B3GALT1: variants seen among roughly 807,000 people sequenced by gnomAD.
The protein encoded by B3GALT1 is beta-1,3-galactosyltransferase 1.
B3GALT1 carries 10 observed loss-of-function variants against 23.2 expected under a neutral mutation model. The observed-to-expected ratio is 0.43, with a 90% CI of 0.27 to 0.73. The LOEUF is 0.73. B3GALT1 is among the 30% of genes least tolerant of loss of function. The pLI is 0.21. For missense variants in B3GALT1, 299 were observed against 405.4 expected, an observed-to-expected ratio of 0.74 and a Z score of 2.25; for synonymous variants, 156 against 141.5, an observed-to-expected ratio of 1.10 and a Z score of -0.73.
chr2:167,678,935 G>C (rs1243529319), intron 3 of B3GALT1, among the ~76,000 whole-genome samples: 2 of 152,092 alleles, frequency 1.3e-5, no homozygotes, highest in Non-Finnish European at 2.9e-5. Flanking sequence ...CTTAAAATGA[G>C]TAATGTATGC....
chr2:167,790,614 A>G (rs1688421772), intron 3 of B3GALT1, among the ~76,000 whole-genome samples: 2 of 152,180 alleles, frequency 1.3e-5, no homozygotes, highest in Non-Finnish European at 2.9e-5. Context: ...TGAAAGACCC[A>G]TCCCTCCTAT....
intron 2 of B3GALT1, among the ~76,000 whole-genome samples, chr2:167,608,755 A>T (rs995456432): frequency 6.6e-6 from 1 of 152,154 alleles, no homozygotes; most frequent in African/African-American, 2.4e-5. Flanking sequence ...ATACATTTGG[A>T]GGGTTACATT....
At chr2:167,545,910 G>C (rs910459154) in intron 2 of B3GALT1, among the ~76,000 whole-genome samples, 3 of 152,104 alleles carry the variant, frequency 2.0e-5, no homozygotes, top group Non-Finnish European at 4.4e-5. Context: ...AGTTATCTTG[G>C]GGATGGGACC....
At chr2:167,421,969 A>G (rs999490641) in intron 1 of B3GALT1, among the ~76,000 whole-genome samples, 3 of 152,212 alleles carry the variant, frequency 2.0e-5, no homozygotes, top group Admixed American at 2.0e-4. Flanking sequence ...CAACCCTAAA[A>G]TCAGGTTTTG....
chr2:167,504,889 C>T (rs759750197), intron 2 of B3GALT1, among the ~76,000 whole-genome samples: 2 of 152,108 alleles, frequency 1.3e-5, no homozygotes, highest in Non-Finnish European at 2.9e-5. Flanking sequence ...CAAGTACACT[C>T]TATGATGTTT....
At chr2:167,324,620 T>C (rs1178176985) in intron 1 of B3GALT1, among the ~76,000 whole-genome samples, 3 of 152,242 alleles carry the variant, frequency 2.0e-5, no homozygotes, top group African/African-American at 4.8e-5. Context: ...ATTTATGGGA[T>C]ACATGTGAAA....
At chr2:167,843,502 T>C (rs1217525138) in intron 4 of B3GALT1, among the ~76,000 whole-genome samples, 2 of 152,204 alleles carry the variant, frequency 1.3e-5, no homozygotes, top group African/African-American at 4.8e-5. Context: ...GGATTGCTGA[T>C]TTCAGCCTCT....
At chr2:167,867,971 C>A (rs1044415709) in intron 4 of B3GALT1, among the ~76,000 whole-genome samples, 14 of 152,070 alleles carry the variant, frequency 9.2e-5, no homozygotes, top group African/African-American at 2.9e-4. Flanking sequence ...TCTCATTATA[C>A]TCATATTGGG....
chr2:167,376,141 G>C (rs561252674), intron 1 of B3GALT1, among the ~76,000 whole-genome samples: 4 of 152,188 alleles, frequency 2.6e-5, no homozygotes, highest in African/African-American at 9.6e-5. Flanking sequence ...ATTTATATAT[G>C]TCGAACCATT....
intron 2 of B3GALT1, among the ~76,000 whole-genome samples, 117 bp from the exon 3 acceptor site, chr2:167,646,791 TG>T (rs1685754844): frequency 6.6e-6 from 1 of 152,220 alleles, no homozygotes; most frequent in Non-Finnish European, 1.5e-5. Flanking sequence ...GCACCATTTT[TG>T]TGACAATAAA....
intron 3 of B3GALT1, among the ~76,000 whole-genome samples, chr2:167,697,166 CT>C (rs1686802264): frequency 1.3e-5 from 2 of 152,084 alleles, no homozygotes; most frequent in Non-Finnish European, 2.9e-5. Flanking sequence ...ATAGAAATAA[CT>C]ATGTTTTGAA....
In B3GALT1 at chr2:167,462,326, C is replaced by T. The variant is rs181792641; in HGVS notation, c.-510-27851C>T. Among the ~76,000 whole-genome samples, 501 of 152,194 alleles carry T rather than the reference C, an allele frequency of 3.3e-3. 2 individuals are homozygous for T. The highest frequency in any genetic ancestry group is 2.5e-3 in the Non-Finnish European group (173 of 68,012). On this transcript the variant is annotated intron_variant, in intron 1 of 4. Transcript: ENST00000392690. Reference sequence around the variant, plus strand: ...GAGCTGATATAAACCAGCTTAAGCACGCAATTGGACTGTGCCATAAAATTT... The same window carrying T: ...GAGCTGATATAAACCAGCTTAAGCATGCAATTGGACTGTGCCATAAAATTT...
intron 3 of B3GALT1, among the ~76,000 whole-genome samples, chr2:167,647,809 T>G (rs564459395): frequency 6.6e-6 from 1 of 152,258 alleles, no homozygotes; most frequent in South Asian, 2.1e-4. Context: ...GGGTACATGG[T>G]GGTTGTATGT....
At chr2:167,426,666 T>A (rs1257301540) in intron 1 of B3GALT1, among the ~76,000 whole-genome samples, 3 of 152,164 alleles carry the variant, frequency 2.0e-5, no homozygotes, top group Non-Finnish European at 4.4e-5. Flanking sequence ...AATTATTAAA[T>A]AAGTAGATGG....
chr2:167,382,888 G>T (rs1697865100), intron 1 of B3GALT1, among the ~76,000 whole-genome samples: 2 of 151,962 alleles, frequency 1.3e-5, no homozygotes, highest in Admixed American at 6.6e-5. Context: ...CACCTCCTAG[G>T]TTCCTTATAT....
At chr2:167,829,845 G>T (rs1434627503) in intron 4 of B3GALT1, among the ~76,000 whole-genome samples, 1 of 152,174 alleles carries the variant, frequency 6.6e-6, no homozygotes, top group East Asian at 1.9e-4. Context: ...AGCCATAGCA[G>T]GGCGAGTGCT....
intron 1 of B3GALT1, among the ~76,000 whole-genome samples, chr2:167,439,034 CAG>C (rs1698835125): frequency 1.3e-5 from 2 of 152,222 alleles, no homozygotes; most frequent in Admixed American, 6.5e-5. Context: ...CTGGCTCCCA[CAG>C]AATAAATATT....
chr2:167,411,426 T>C (rs1395566185), intron 1 of B3GALT1, among the ~76,000 whole-genome samples: 1 of 145,558 alleles, frequency 6.9e-6, no homozygotes, highest in Non-Finnish European at 1.5e-5. Flanking sequence ...AGTTTAAAAT[T>C]GGCAAAAGAT....
intron 2 of B3GALT1, among the ~76,000 whole-genome samples, chr2:167,499,614 CT>C (rs1473084911): frequency 6.6e-6 from 1 of 152,130 alleles, no homozygotes; most frequent in Non-Finnish European, 1.5e-5. Context: ...CAACTAGTCA[CT>C]GTAATTGCAT....
Sources: gnomAD v4.1 joint callset for allele counts (sites outside exome capture counted in the v4.1 genomes callset) on GRCh38, gnomAD v4.1.1 for gene constraint, MANE v1.5 for transcripts, NCBI Gene and HGNC (gene_info 2026-07-23, HGNC 2026-07-21) for gene names.